Variants in ZNF43 observed in about 807,000 individuals in gnomAD.
The protein encoded by ZNF43 is zinc finger protein 43.
ZNF43 carries 44 observed loss-of-function variants against 68.4 expected under a neutral mutation model. The observed-to-expected ratio is 0.64, with a 90% CI of 0.51 to 0.83. ZNF43 has a LOEUF of 0.83. Among genes scored for constraint, ZNF43 ranks in the 40% least tolerant of loss-of-function variants. The probability of loss-of-function intolerance (pLI) is 0.00; values close to 1 mark genes in which losing one functional copy is unlikely to be tolerated. For missense variants in ZNF43, 896 were observed against 933.2 expected (o/e 0.96, Z 0.52); for synonymous variants, 308 against 307.8 (o/e 1.00, Z -0.01).
At chr19:21,829,436 G>A (rs1568373198) in intron 1 of ZNF43, among the ~76,000 whole-genome samples, 2 of 151,774 alleles carry the variant, frequency 1.3e-5, no homozygotes, top group African/African-American at 2.4e-5. Context: ...TTCGTTCTTC[G>A]TACTAAACTT....
chr19:21,819,019 CA>C lies in ZNF43; in HGVS notation c.130+75del, dbSNP rs961208662. The C allele has an allele frequency of 1.7e-5, 26 of 1,527,398 alleles. 1 individual carries two copies. The South Asian group carries it at 2.4e-4, about 14-fold the overall frequency. The allele number at this position is 1,527,398 out of a possible 1,614,324, so 94.6% of individuals were successfully genotyped here. A position where few individuals can be genotyped will look rare whatever the true frequency, so the allele number is the denominator to read the frequency against. On this transcript the variant is annotated intron_variant, in intron 2 of 3. Transcript: ENST00000354959. ...CTCATGAATGCAAAGTATAAATTACCAAAAAAACAGTCTACAGAAAACAAAA... is the reference window on the plus strand; with the variant it reads ...CTCATGAATGCAAAGTATAAATTACCAAAAAACAGTCTACAGAAAACAAAA...
At chr19:21,824,575 T>C (rs1009446781) in intron 1 of ZNF43, among the ~76,000 whole-genome samples, 2 of 152,128 alleles carry the variant, frequency 1.3e-5, no homozygotes, top group Non-Finnish European at 1.5e-5. Context: ...AACCTGGCCC[T>C]GTCTTGTGAA....
upstream of ZNF43, among the ~76,000 whole-genome samples, chr19:21,836,607 G>C (rs2145360244): frequency 6.6e-6 from 1 of 152,228 alleles, no homozygotes; most frequent in African/African-American, 2.4e-5. Flanking sequence ...TCTTATTCTT[G>C]AGAGGGAGTC....
chr19:21,848,620 G>GTAAA (rs1370483972), intron 1 of ZNF43, among the ~76,000 whole-genome samples: 3 of 151,918 alleles, frequency 2.0e-5, no homozygotes, highest in African/African-American at 7.2e-5. Flanking sequence ...TGGGACCAGT[G>GTAAA]ATATGTTACA....
At chr19:21,816,223 G>A (rs1226722997) in intron 3 of ZNF43, among the ~76,000 whole-genome samples, 2 of 152,098 alleles carry the variant, frequency 1.3e-5, no homozygotes, top group East Asian at 3.9e-4. Context: ...AGAGCCAGGA[G>A]GCATCATGGC....
Position 21,807,420 on chromosome 19 carries a change from A to G in ZNF43, c.*187T>C. The G allele has an allele frequency of 1.9e-6, 1 of 538,312 alleles. No individual in the cohort carries two copies. The highest frequency in any genetic ancestry group is 3.1e-6 in the Non-Finnish European group (1 of 320,370). 33.3% of individuals were successfully genotyped at this position (538,312 alleles called of 1,614,324 possible). ...GCTTTTCCACATTCTTTGTGTATAT[A>G]CCTTTTTCCAAGTAAAAATTCTTTC... is the stretch of plus-strand genomic sequence containing the variant. On this transcript the variant is annotated 3_prime_UTR_variant, in exon 4 of 4. Coordinates refer to ENST00000354959, the MANE Select transcript of ZNF43 (RefSeq NM_003423.4).
At chr19:21,816,409 G>A (rs147936474) in intron 3 of ZNF43, among the ~76,000 whole-genome samples, 552 of 152,256 alleles carry the variant, frequency 3.6e-3, no homozygotes, top group Non-Finnish European at 5.6e-3. Context: ...CAAGATTAAG[G>A]AGTTTTCTTT....
At chr19:21,834,497 G>A (rs2038593844) in intron 1 of ZNF43, among the ~76,000 whole-genome samples, 1 of 151,934 alleles carries the variant, frequency 6.6e-6, no homozygotes, top group Non-Finnish European at 1.5e-5. Context: ...GGTGGCTCAC[G>A]CCTGTAATCC....
chr19:21,835,313 G>A (rs1377211307), intron 1 of ZNF43, among the ~76,000 whole-genome samples: 4 of 149,746 alleles, frequency 2.7e-5, no homozygotes, highest in African/African-American at 9.8e-5. Context: ...GGAGAAGAAG[G>A]TGGCATTTGG....
In ZNF43 at chr19:21,806,315, T is replaced by TA. The variant is rs1304688306; in HGVS notation, c.*1291dup. 3 of 152,014 alleles carry TA rather than the reference T, an allele frequency of 2.0e-5. No homozygotes were observed. Among genetic ancestry groups the TA allele is most frequent in the Non-Finnish European group, 1.5e-5 (1 of 68,014 alleles). The allele number at this position is 152,014 out of a possible 1,614,324, so 9.4% of individuals were successfully genotyped here. On this transcript the variant is annotated 3_prime_UTR_variant, in exon 4 of 4. Coordinates refer to ENST00000354959, the MANE Select transcript of ZNF43 (RefSeq NM_003423.4). ...CTTCAGCCTTTGAAGTAGCTGGGATTATAGGTGCCTGGTAAATTTTTGTAT... is the reference window on the plus strand; with the variant it reads ...CTTCAGCCTTTGAAGTAGCTGGGATTAATAGGTGCCTGGTAAATTTTTGTAT...
At position 21,836,160 on chromosome 19, in the gene ZNF43, G is replaced by A; in HGVS notation, c.-122C>T. 5.1e-6 allele frequency: 8 copies of A among 1,571,100 alleles called. No individual in the cohort carries two copies. The highest frequency in any genetic ancestry group is 6.9e-6 in the Non-Finnish European group (8 of 1,157,126). On this transcript the variant is annotated 5_prime_UTR_variant, in exon 1 of 4. Transcript: ENST00000354959. ...CACAGAAGAACGAAGACGAGACGCA[G>A]AGCTCCAACTGCAGCCAGAGACAAA...
At chr19:21,851,703 G>C (rs1599559860) in intron 1 of ZNF43, among the ~76,000 whole-genome samples, 1 of 152,190 alleles carries the variant, frequency 6.6e-6, no homozygotes, top group African/African-American at 2.4e-5. Context: ...GCTGACCAGA[G>C]AGCTCCAGAC....
intron 1 of ZNF43, among the ~76,000 whole-genome samples, chr19:21,831,499 T>C (rs1171960587): frequency 1.3e-5 from 2 of 152,090 alleles, no homozygotes; most frequent in Non-Finnish European, 2.9e-5. Context: ...GTAGCTGGGA[T>C]TACAAGCCAC....
Position 21,807,575 on chromosome 19 carries a change from T to G in ZNF43, c.*32A>C. The G allele has an allele frequency of 6.7e-7, 1 of 1,501,968 alleles. No individual in the cohort carries two copies. The highest frequency in any genetic ancestry group is 8.9e-7 in the Non-Finnish European group (1 of 1,125,014). The allele number at this position is 1,501,968 out of a possible 1,614,324, so 93.0% of individuals were successfully genotyped here. ...ACCATGTAAAGCCTTTATCACATTC[T>G]TTACATTTCTAGAATTTCTCACCAG... On this transcript the variant is annotated 3_prime_UTR_variant, in exon 4 of 4. Transcript: ENST00000354959.
At chr19:21,834,964 G>A (rs989067526) in intron 1 of ZNF43, among the ~76,000 whole-genome samples, 9 of 146,574 alleles carry the variant, frequency 6.1e-5, no homozygotes, top group African/African-American at 1.5e-4. Flanking sequence ...AAAATAGCCC[G>A]GCTCGGTGGC....
intron 1 of ZNF43, among the ~76,000 whole-genome samples, chr19:21,842,490 C>T (rs979844679): frequency 1.3e-5 from 2 of 151,284 alleles, no homozygotes; most frequent in Admixed American, 1.3e-4. Flanking sequence ...GTCACATCAC[C>T]TTGTTACTAG....
At chr19:21,810,055 TA>T (rs1195004258) in intron 3 of ZNF43, among the ~76,000 whole-genome samples, 4 of 152,186 alleles carry the variant, frequency 2.6e-5, no homozygotes, top group Non-Finnish European at 5.9e-5. Context: ...AAGGAAAATA[TA>T]AATTGGTTAC....
intron 3 of ZNF43, among the ~76,000 whole-genome samples, chr19:21,812,415 A>T (rs979446177): frequency 3.9e-5 from 6 of 152,216 alleles, no homozygotes; most frequent in African/African-American, 1.4e-4. Flanking sequence ...CTCCTGGCCT[A>T]TAAACAACTC....
At chr19:21,848,621 A>G (rs1003163841) in intron 1 of ZNF43, among the ~76,000 whole-genome samples, 4 of 151,996 alleles carry the variant, frequency 2.6e-5, no homozygotes. Flanking sequence ...GGGACCAGTG[A>G]TATGTTACAA....
Sources: allele counts gnomAD v4.1 joint callset (sites outside exome capture counted in the v4.1 genomes callset), GRCh38; gene constraint gnomAD v4.1.1; transcripts MANE v1.5; gene names NCBI Gene and HGNC (gene_info 2026-07-23, HGNC 2026-07-21).